PCSK9: variants seen among roughly 807,000 people sequenced by gnomAD.
PCSK9 encodes the protein convertase subtilisin/kexin type 9 preproprotein.
A neutral mutation model predicts 62.1 loss-of-function variants in PCSK9; 57 were observed. The observed-to-expected ratio is 0.92, with a 90% CI of 0.74 to 1.14. The LOEUF (loss-of-function observed/expected upper bound fraction) is 1.14. Among genes scored for constraint, PCSK9 ranks in the 50% most tolerant of loss-of-function variants. PCSK9 has a pLI of 0.00. For synonymous variants in PCSK9, 387 were observed against 409.4 expected (o/e 0.95, Z 0.66); for missense variants, 870 against 959.8 (o/e 0.91, Z 1.24).
intron 5 of PCSK9, among the ~76,000 whole-genome samples, chr1:55,054,150 G>A (rs1570303011): frequency 6.6e-6 from 1 of 152,234 alleles, no homozygotes; most frequent in African/African-American, 2.4e-5. Flanking sequence ...TTGGGAGGCC[G>A]AGGTGGGCAG....
At chr1:55,054,931 G>T (rs976456220) in intron 5 of PCSK9, among the ~76,000 whole-genome samples, 3 of 152,096 alleles carry the variant, frequency 2.0e-5, no homozygotes, top group Non-Finnish European at 4.4e-5. Flanking sequence ...CGTGAACCCG[G>T]GAGGCGGAGC....
chr1:55,060,086 T>A (rs1165028886), intron 10 of PCSK9, among the ~76,000 whole-genome samples: 1 of 152,214 alleles, frequency 6.6e-6, no homozygotes, highest in Non-Finnish European at 1.5e-5. Context: ...TTACTTAACA[T>A]CTCTGTATGA....
At chr1:55,050,632 AG>A (rs887803504) in intron 3 of PCSK9, among the ~76,000 whole-genome samples, 3 of 152,128 alleles carry the variant, frequency 2.0e-5, no homozygotes, top group African/African-American at 7.2e-5. Context: ...AGGGCAGGGT[AG>A]ACAGTGTGTG....
At chr1:55,057,911 G>C in intron 7 of PCSK9, 125 bp from the exon 8 acceptor site, 1 of 1,366,722 alleles carries the variant, frequency 7.3e-7, no homozygotes, top group Non-Finnish European at 1.0e-6. Context: ...TTCGAGAAGA[G>C]AGCTTAGTGT....
chr1:55,044,780 G>A (rs1200736083), intron 2 of PCSK9, among the ~76,000 whole-genome samples: 1 of 152,142 alleles, frequency 6.6e-6, no homozygotes, highest in African/African-American at 2.4e-5. Context: ...GTAATGGGCA[G>A]GGTCAGAGTC....
intron 3 of PCSK9, among the ~76,000 whole-genome samples, chr1:55,047,329 G>A (rs1570296741): frequency 6.6e-6 from 1 of 152,248 alleles, no homozygotes; most frequent in Admixed American, 6.5e-5. Context: ...GTTGGACTGT[G>A]TTAAGTTTGA....
chr1:55,050,297 C>T (rs1475984420), intron 3 of PCSK9, among the ~76,000 whole-genome samples: 2 of 152,244 alleles, frequency 1.3e-5, no homozygotes, highest in Non-Finnish European at 2.9e-5. Context: ...CTGGCCTTGT[C>T]TTGTGTCTGC....
Position 55,052,418 on chromosome 1 carries a change from A to C in PCSK9, c.657+7A>C, listed in dbSNP as rs72646506. The C allele has an allele frequency of 9.1e-5, 147 of 1,613,650 alleles. 1 individual carries two copies. The African/African-American group carries it at 1.7e-3, about 19-fold the overall frequency. ...GACCCGCTTCCACAGACAGGTAAGC[A>C]CGGCCGTCTGATGGGAGGGCTGCCT... is the stretch of plus-strand genomic sequence containing the variant. On this transcript the variant is annotated splice_region_variant and intron_variant, in intron 4 of 11. Transcript: ENST00000302118.
intron 3 of PCSK9, among the ~76,000 whole-genome samples, chr1:55,048,780 G>A (rs184816632): frequency 6.6e-6 from 1 of 152,374 alleles, no homozygotes; most frequent in East Asian, 1.9e-4. Context: ...CTCTGCAAAA[G>A]GGAGGTAATG....
At position 55,054,973 on chromosome 1, in the gene PCSK9, C is replaced by T. The variant is rs2479414; in HGVS notation, c.800-1020C>T. Among the ~76,000 whole-genome samples, 460 of 151,584 alleles carry T rather than the reference C, an allele frequency of 3.0e-3. 2 individuals are homozygous for T. The highest frequency in any genetic ancestry group is 4.7e-3 in the Non-Finnish European group (316 of 67,952). On this transcript the variant is annotated intron_variant, in intron 5 of 11. Transcript: ENST00000302118. ...TGAGCCGAGATTGCGCCACTGCACT[C>T]CAGCCTGGGCAATAGAGCGAGACTC...
rs1042418886 is a variant in PCSK9 at position 55,040,269 on chromosome 1, T to C, written c.207+225T>C. Among the ~76,000 whole-genome samples, 13 of 152,040 alleles carry C rather than the reference T, an allele frequency of 8.6e-5. No individual in the cohort carries two copies. Among genetic ancestry groups the C allele is most frequent in the Non-Finnish European group, 1.6e-4 (11 of 68,016 alleles). ...GGGGACGGCCGGCTCTTTGGGGACT[T>C]GCTGGGGCGTGCGGCTGCGCTATTC... On this transcript the variant is annotated intron_variant, in intron 1 of 11. Transcript: ENST00000302118. The surrounding 1 kb of genome is among the most constrained non-coding windows in gnomAD (Gnocchi z 4.1).
In PCSK9 at chr1:55,056,418, T is replaced by G. The variant is rs562026496; in HGVS notation, c.996+229T>G. On this transcript the variant is annotated intron_variant, in intron 6 of 11. Coordinates refer to ENST00000302118, the MANE Select transcript of PCSK9 (RefSeq NM_174936.4). ...CATCATCGCAGAGTCTGAATAGCAG[T>G]GGCCCCGCCATGCGCCCACGTAGCG... Among the ~76,000 whole-genome samples, 3 of 152,198 alleles carry G rather than the reference T, an allele frequency of 2.0e-5. No individual in the cohort carries two copies. In the East Asian group the frequency reaches 5.8e-4, roughly 29 times the overall value.
At chr1:55,051,048 G>A in intron 3 of PCSK9, 2 of 425,258 alleles carry the variant, frequency 4.7e-6, no homozygotes, top group South Asian at 3.4e-5. Context: ...GCCACCAGAA[G>A]CCGGAAGACG....
intron 2 of PCSK9, among the ~76,000 whole-genome samples, chr1:55,045,298 T>C (rs45530931): frequency 0.095 from 14,415 of 152,208 alleles, 852 homozygotes; most frequent in South Asian, 0.14. Context: ...CAGCCTGGGT[T>C]CGAGTCCTGC....
intron 1 of PCSK9, among the ~76,000 whole-genome samples, chr1:55,043,592 G>A (rs1644612642): frequency 2.0e-5 from 3 of 152,250 alleles, no homozygotes; most frequent in Non-Finnish European, 4.4e-5. Flanking sequence ...CTGTTGTCGA[G>A]TGTGGCCCGT....
At position 55,058,879 on chromosome 1, in the gene PCSK9, G is replaced by A. The variant is rs75175498; in HGVS notation, c.1503+232G>A. ...CCACAGCGGGAAGGGTTTCCTAGAG[G>A]CTGCAGGACAGTGCTGGATGGATTT... is the stretch of plus-strand genomic sequence containing the variant. On this transcript the variant is annotated intron_variant, in intron 9 of 11. Transcript: ENST00000302118. 5.9e-3 allele frequency among the ~76,000 whole-genome samples: 903 copies of A among 152,312 alleles called. 13 individuals are homozygous for A. The highest frequency in any genetic ancestry group is 0.021 in the African/African-American group (875 of 41,568).
chr1:55,061,601 C>T, intron 11 of PCSK9, 45 bp downstream of exon 11: 1 of 1,552,738 alleles, frequency 6.4e-7, no homozygotes, highest in Non-Finnish European at 8.7e-7. Context: ...CTGCGTGTCT[C>T]TCCTGCACAG....
chr1:55,043,501 TGGGGGAGGGGGTGGCCTTTG>T (rs1644610970), intron 1 of PCSK9, among the ~76,000 whole-genome samples: 1 of 150,784 alleles, frequency 6.6e-6, no homozygotes, highest in African/African-American at 2.4e-5. Flanking sequence ...GACTGGGGCA[TGGGGGAGGGGGTGGCCTTTG>T]GGCAGGGCCA....
At chr1:55,056,262 G>A in intron 6 of PCSK9, 73 bp downstream of exon 6, 2 of 175,320 alleles carry the variant, frequency 1.1e-5, no homozygotes, top group East Asian at 2.1e-4. Context: ...GGGCGGGCGG[G>A]CAGGCGGGCT....
Sources: gnomAD v4.1 joint callset for allele counts (sites outside exome capture counted in the v4.1 genomes callset) on GRCh38, gnomAD v4.1.1 for gene constraint, Gnocchi (gnomAD v3.1) non-coding constraint, MANE v1.5 for transcripts, NCBI Gene and HGNC (gene_info 2026-07-23, HGNC 2026-07-21) for gene names.